NHSL2: variants seen among roughly 807,000 people sequenced by gnomAD.
The protein encoded by NHSL2 is NHS-like protein 2.
In NHSL2, 27 loss-of-function variants were observed where a neutral mutation model predicts 53.4. The ratio of observed to expected loss-of-function variants is 0.51; its 90% CI spans 0.37 to 0.70. The LOEUF is 0.70. Ranked by LOEUF, NHSL2 falls within the 30% of genes least tolerant of loss-of-function variation. The pLI is 0.00. For synonymous variants in NHSL2, 408 were observed against 404.1 expected (o/e 1.01, Z -0.12); for missense variants, 892 against 980.1 (o/e 0.91, Z 1.20).
intron 1 of NHSL2, among the ~76,000 whole-genome samples, chrX:72,017,701 G>A (rs750847224): frequency 2.7e-5 from 3 of 112,522 alleles, no homozygotes; most frequent in Non-Finnish European, 5.6e-5. Flanking sequence ...AGGCAGGAAT[G>A]GGGTCTGAGC....
At chrX:72,114,405 C>A (rs1415708562) in intron 1 of NHSL2, among the ~76,000 whole-genome samples, 1 of 111,705 alleles carries the variant, frequency 9.0e-6, no homozygotes, top group African/African-American at 3.3e-5. Context: ...TATGTCAATG[C>A]GCCTCTCACA....
In NHSL2 at chrX:72,104,393, A is replaced by G. The variant is rs1324210748; in HGVS notation, c.281-27686A>G. On this transcript the variant is annotated intron_variant, in intron 1 of 7. Coordinates refer to ENST00000633930, the MANE Select transcript of NHSL2 (RefSeq NM_001013627.3). The stretch of plus-strand genomic sequence containing the variant: ...TTGTGCTTGTAGAAACATTCCAAGT[A>G]GAGGCCCATAAGTTTCATTAGGCTC... Among the ~76,000 whole-genome samples, 3 of 112,742 alleles carry G rather than the reference A, an allele frequency of 2.7e-5. No individual in the cohort carries two copies. The East Asian group carries it at 8.3e-4, about 31-fold the overall frequency.
intron 1 of NHSL2, chrX:72,069,602 GAGGAGGAGT>G: frequency 1.4e-6 from 1 of 736,104 alleles, no homozygotes; most frequent in Non-Finnish European, 1.7e-6. Context: ...AGAGGAGGAG[GAGGAGGAGT>G]AGGAGGAGGA....
intron 1 of NHSL2, among the ~76,000 whole-genome samples, chrX:72,052,046 A>C (rs1382371184): frequency 9.0e-6 from 1 of 111,725 alleles, no homozygotes; most frequent in East Asian, 2.8e-4. Context: ...AAGCCTCTTG[A>C]CTCTTTTGCT....
chrX:71,983,209 A>C (rs1477938759), intron 1 of NHSL2, among the ~76,000 whole-genome samples: 1 of 111,805 alleles, frequency 8.9e-6, no homozygotes, highest in Non-Finnish European at 1.9e-5. Context: ...AAATGATCTA[A>C]AATTCACTAT....
chrX:72,043,411 A>C (rs761385646), intron 1 of NHSL2, among the ~76,000 whole-genome samples: 1 of 111,181 alleles, frequency 9.0e-6, no homozygotes, highest in Admixed American at 9.6e-5. Context: ...TACTTTCTAC[A>C]TATTGTTTTA....
At chrX:72,004,784 AC>A (rs1293930238) in intron 1 of NHSL2, among the ~76,000 whole-genome samples, 1 of 36,547 alleles carries the variant, frequency 2.7e-5, no homozygotes, top group Non-Finnish European at 5.3e-5. Context: ...CCCCACCCCC[AC>A]CTTCCGCTCC....
At chrX:72,100,207 CATT>C (rs1395588406) in intron 1 of NHSL2, among the ~76,000 whole-genome samples, 1 of 111,673 alleles carries the variant, frequency 9.0e-6, no homozygotes, top group African/African-American at 3.3e-5. Flanking sequence ...AGAAATGCGT[CATT>C]AGGTGATTTC....
intron 1 of NHSL2, among the ~76,000 whole-genome samples, chrX:71,923,342 C>T: frequency 8.9e-6 from 1 of 111,883 alleles, no homozygotes; most frequent in South Asian, 3.8e-4. Context: ...GGAGTATCCT[C>T]TGGGTGGACC....
At chrX:71,974,846 C>T (rs1011114244) in intron 1 of NHSL2, among the ~76,000 whole-genome samples, 8 of 112,075 alleles carry the variant, frequency 7.1e-5, no homozygotes, top group African/African-American at 2.3e-4. Flanking sequence ...AGTGTGATAG[C>T]GCTGTGCCAC....
chrX:72,099,361 A>ATTTTT (rs753132294), intron 1 of NHSL2, among the ~76,000 whole-genome samples: 3 of 84,339 alleles, frequency 3.6e-5, no homozygotes, highest in East Asian at 4.9e-4. Flanking sequence ...TTGTGTAGGA[A>ATTTTT]TTTTTTTTTT....
intron 1 of NHSL2, among the ~76,000 whole-genome samples, chrX:72,001,977 G>T (rs1481898955): frequency 8.9e-6 from 1 of 112,913 alleles, no homozygotes; most frequent in East Asian, 2.8e-4. Context: ...ATGCCCACAG[G>T]TGTATTTTGT....
chrX:71,968,425 C>T (rs1183661785), intron 1 of NHSL2, among the ~76,000 whole-genome samples: 1 of 112,168 alleles, frequency 8.9e-6, no homozygotes, highest in Non-Finnish European at 1.9e-5. Flanking sequence ...CACATTTGTG[C>T]TGTTTCTACT....
intron 1 of NHSL2, among the ~76,000 whole-genome samples, chrX:72,001,851 G>C (rs1364401462): frequency 8.9e-6 from 1 of 112,109 alleles, no homozygotes; most frequent in East Asian, 2.8e-4. Context: ...CCAGCCCAAG[G>C]GACTCATGTC....
intron 1 of NHSL2, among the ~76,000 whole-genome samples, chrX:71,955,096 C>A (rs895880614): frequency 1.8e-5 from 2 of 111,612 alleles, no homozygotes; most frequent in African/African-American, 3.3e-5. Context: ...GCTTTCTGGC[C>A]TCCTTGTTCC....
chrX:71,980,337 G>A (rs770391957), intron 1 of NHSL2, among the ~76,000 whole-genome samples: 15 of 111,457 alleles, frequency 1.3e-4, no homozygotes, highest in African/African-American at 3.9e-4. Context: ...CATTGAATCT[G>A]TAAATTACCT....
rs755279752 is a variant in NHSL2, at chrX:72,024,351, C to T, written c.281-107728C>T. On this transcript the variant is annotated intron_variant, in intron 1 of 7. Coordinates refer to ENST00000633930, the MANE Select transcript of NHSL2 (RefSeq NM_001013627.3). ...CCAGGAGAGGCCCTGGGGACTTCTC[C>T]TCAGGTGAAGCCCAAGAGTTGGCAG... 4.7e-4 allele frequency among the ~76,000 whole-genome samples: 52 copies of T among 111,802 alleles called. 1 individual carries two copies. Among genetic ancestry groups the T allele is most frequent in the Non-Finnish European group, 7.3e-4 (39 of 53,101 alleles).
At chrX:72,142,969 A>C (rs1400838375) in intron 7 of NHSL2, among the ~76,000 whole-genome samples, 2 of 111,649 alleles carry the variant, frequency 1.8e-5, no homozygotes, top group Non-Finnish European at 3.8e-5. Context: ...TCACTGAGCT[A>C]CTAGCCTTGA....
intron 1 of NHSL2, among the ~76,000 whole-genome samples, chrX:71,970,254 C>T (rs1380687785): frequency 1.8e-5 from 2 of 111,747 alleles, no homozygotes; most frequent in Non-Finnish European, 3.8e-5. Context: ...ATAATGCTGG[C>T]CTCACAGAAT....
Sources: gnomAD v4.1 joint callset for allele counts (sites outside exome capture counted in the v4.1 genomes callset) on GRCh38, gnomAD v4.1.1 for gene constraint, MANE v1.5 for transcripts, NCBI Gene and HGNC (gene_info 2026-07-23, HGNC 2026-07-21) for gene names.